The following RAPGEF5 variants were observed in gnomAD, a reference collection of about 807,000 sequenced individuals.
The protein encoded by RAPGEF5 is Rap guanine nucleotide exchange factor 5.
Under a neutral mutation model 125.2 loss-of-function variants are expected in RAPGEF5, and 65 were observed. The observed-to-expected ratio is 0.52, with a 90% confidence interval of 0.43 to 0.64. RAPGEF5 has a LOEUF of 0.64. Among genes scored for constraint, RAPGEF5 ranks in the 30% least tolerant of loss-of-function variants. RAPGEF5 has a pLI of 0.00. For missense variants in RAPGEF5, 958 were observed against 1,048.1 expected, an observed-to-expected ratio of 0.91 and a Z score of 1.19; for synonymous variants, 391 against 385.9, an observed-to-expected ratio of 1.01 and a Z score of -0.16.
At chr7:22,149,169 C>T (rs751761975) in intron 18 of RAPGEF5, among the ~76,000 whole-genome samples, 2 of 152,176 alleles carry the variant, frequency 1.3e-5, no homozygotes, top group African/African-American at 4.8e-5. Flanking sequence ...AAACGAGATA[C>T]CGTATGTAAA....
intron 6 of RAPGEF5, among the ~76,000 whole-genome samples, chr7:22,275,176 C>A (rs2128143511): frequency 6.6e-6 from 1 of 152,326 alleles, no homozygotes; most frequent in Non-Finnish European, 1.5e-5. Flanking sequence ...GCGCCACTCA[C>A]CTCTCCTGTG....
At chr7:22,168,589 ACTGG>A (rs1235485076) in intron 11 of RAPGEF5, among the ~76,000 whole-genome samples, 1 of 152,228 alleles carries the variant, frequency 6.6e-6, no homozygotes, top group Non-Finnish European at 1.5e-5. Flanking sequence ...TACATTGAAG[ACTGG>A]ATGAAAGAAA....
Position 22,356,025 on chromosome 7 carries a change from G to C in RAPGEF5, c.231+805C>G, listed in dbSNP as rs1015743099. 3.0e-6 allele frequency: 3 copies of C among 985,342 alleles called. No individual in the cohort carries two copies. The African/African-American group carries it at 5.2e-5, about 17-fold the overall frequency. The allele number at this position is 985,342 out of a possible 1,614,324, so 61.0% of individuals were successfully genotyped here. A position where few individuals can be genotyped will look rare whatever the true frequency, so the allele number is the denominator to read the frequency against. ...TGAGCAGGGAAATCTGAGTAAGTCA[G>C]CTCTGTGTCCTGAGGCCCTGGCGGG... On this transcript the variant is annotated intron_variant, in intron 1 of 25. Coordinates refer to ENST00000665637, the MANE Select transcript of RAPGEF5 (RefSeq NM_012294.5).
intron 8 of RAPGEF5, among the ~76,000 whole-genome samples, chr7:22,220,922 C>T (rs186540738): frequency 6.6e-6 from 1 of 152,282 alleles, no homozygotes; most frequent in East Asian, 1.9e-4. Context: ...TGACCAAATA[C>T]AGCAAAGGGG....
At chr7:22,139,606 T>A (rs1783191523) in intron 21 of RAPGEF5, among the ~76,000 whole-genome samples, 1 of 152,250 alleles carries the variant, frequency 6.6e-6, no homozygotes, top group Non-Finnish European at 1.5e-5. Context: ...AGAAAAAGAA[T>A]ATTAAAATTA....
At position 22,236,465 on chromosome 7, in the gene RAPGEF5, C is replaced by T. The variant is rs558173660; in HGVS notation, c.797-5546G>A. Among the ~76,000 whole-genome samples the T allele has an allele frequency of 3.9e-5, 6 of 152,294 alleles. No homozygotes were observed. The South Asian group carries it at 1.2e-3, about 32-fold the overall frequency. On this transcript the variant is annotated intron_variant, in intron 7 of 25. Coordinates refer to ENST00000665637, the MANE Select transcript of RAPGEF5 (RefSeq NM_012294.5). ...TAATTGATTTAATACGGCGTGAGGA[C>T]ACGAAGGTCTGAAATCACAAGCATC...
chr7:22,266,878 T>C, intron 7 of RAPGEF5, 86 bp downstream of exon 7: 2 of 1,333,800 alleles, frequency 1.5e-6, no homozygotes, highest in East Asian at 4.6e-5. Context: ...CTTCCTGAGA[T>C]ACACTCAACT....
At chr7:22,346,907 T>TAGTTA (rs757190233) in intron 1 of RAPGEF5, among the ~76,000 whole-genome samples, 29 of 152,282 alleles carry the variant, frequency 1.9e-4, no homozygotes, top group Admixed American at 7.8e-4. Flanking sequence ...ACAAAACAGA[T>TAGTTA]TAACTGAGTC....
intron 1 of RAPGEF5, among the ~76,000 whole-genome samples, chr7:22,355,127 C>A (rs770803031): frequency 6.6e-6 from 1 of 152,040 alleles, no homozygotes; most frequent in African/African-American, 2.4e-5. Flanking sequence ...TATGCAGTTA[C>A]GAAATGTGTT....
chr7:22,190,345 C>A (rs1784954110), intron 11 of RAPGEF5, among the ~76,000 whole-genome samples: 1 of 152,142 alleles, frequency 6.6e-6, no homozygotes, highest in Non-Finnish European at 1.5e-5. Context: ...ACTTCTTGCG[C>A]CTTTCACTAC....
At chr7:22,186,270 C>T (rs1399069319) in intron 11 of RAPGEF5, among the ~76,000 whole-genome samples, 1 of 152,146 alleles carries the variant, frequency 6.6e-6, no homozygotes, top group East Asian at 1.9e-4. Flanking sequence ...TAGTGATTTA[C>T]CAACTGGGGA....
At chr7:22,330,749 A>C (rs1583583508) in intron 1 of RAPGEF5, among the ~76,000 whole-genome samples, 1 of 152,212 alleles carries the variant, frequency 6.6e-6, no homozygotes, top group Admixed American at 6.5e-5. Flanking sequence ...ACCAGGTTCT[A>C]TATCAGCTTC....
chr7:22,348,218 G>A (rs1784261868), intron 1 of RAPGEF5, among the ~76,000 whole-genome samples: 1 of 152,060 alleles, frequency 6.6e-6, no homozygotes, highest in Non-Finnish European at 1.5e-5. Flanking sequence ...AAAAAGGCCT[G>A]GAATCCCCCC....
At chr7:22,147,248 C>T (rs1783472947) in intron 18 of RAPGEF5, among the ~76,000 whole-genome samples, 1 of 152,158 alleles carries the variant, frequency 6.6e-6, no homozygotes, top group Admixed American at 6.5e-5. Flanking sequence ...GCCCGCTCCT[C>T]CCCCATCTCT....
At chr7:22,267,959 C>T (rs1032069975) in intron 6 of RAPGEF5, among the ~76,000 whole-genome samples, 52 of 151,710 alleles carry the variant, frequency 3.4e-4, no homozygotes, top group African/African-American at 1.1e-3. Flanking sequence ...TGCAGATTTG[C>T]TATTCAAATT....
chr7:22,183,426 G>A (rs1049757323), intron 11 of RAPGEF5, among the ~76,000 whole-genome samples: 1 of 151,952 alleles, frequency 6.6e-6, no homozygotes, highest in East Asian at 1.9e-4. Flanking sequence ...TTATCCTCCA[G>A]TTGTTCTAGA....
intron 18 of RAPGEF5, among the ~76,000 whole-genome samples, chr7:22,149,965 A>C (rs1227391691): frequency 6.6e-6 from 1 of 151,808 alleles, no homozygotes; most frequent in Non-Finnish European, 1.5e-5. Flanking sequence ...GATTTGTAAA[A>C]GTACTGTTAC....
chr7:22,197,961 C>T (rs913428871), intron 9 of RAPGEF5, among the ~76,000 whole-genome samples: 1 of 150,612 alleles, frequency 6.6e-6, no homozygotes, highest in Non-Finnish European at 1.5e-5. Context: ...ACAATCTCCA[C>T]TCACTGCCAC....
At chr7:22,134,416 G>A (rs1038328610) in intron 23 of RAPGEF5, among the ~76,000 whole-genome samples, 5 of 152,084 alleles carry the variant, frequency 3.3e-5, no homozygotes, top group African/African-American at 1.2e-4. Context: ...TAAAAAAAGG[G>A]AAATTTGTCT....
Sources: gnomAD v4.1 joint callset for allele counts (sites outside exome capture counted in the v4.1 genomes callset) on GRCh38, gnomAD v4.1.1 for gene constraint, MANE v1.5 for transcripts, NCBI Gene and HGNC (gene_info 2026-07-23, HGNC 2026-07-21) for gene names.